ZNF475: variants seen among roughly 807,000 people sequenced by gnomAD.
ZNF475 encodes the protein zinc finger protein 475.
chr5:122,168,248 T>C, the ZNF475 span, among the ~76,000 whole-genome samples: 2 of 152,192 alleles, frequency 1.3e-5, no homozygotes, highest in Non-Finnish European at 2.9e-5. Context: ...TTCATCATGT[T>C]GGCCAGACTG....
At chr5:122,182,556 G>A in the ZNF475 span, 5 of 1,535,152 alleles carry the variant, frequency 3.3e-6, no homozygotes, top group African/African-American at 1.4e-5. Context: ...CAGCCAGTTG[G>A]TTCCCTGTAA....
the ZNF475 span, among the ~76,000 whole-genome samples, chr5:122,161,282 C>T: frequency 6.6e-6 from 1 of 152,206 alleles, no homozygotes; most frequent in Non-Finnish European, 1.5e-5. Context: ...CAAGCACCTG[C>T]TCTGATGCCA....
the ZNF475 span, chr5:122,182,581 C>A: frequency 6.5e-6 from 10 of 1,535,594 alleles, no homozygotes; most frequent in East Asian, 2.4e-5. Context: ...TGTGGGCGTA[C>A]CTTCCTGCCA....
the ZNF475 span, chr5:122,162,179 T>G: frequency 2.6e-5 from 4 of 152,322 alleles, no homozygotes; most frequent in East Asian, 3.9e-4. Flanking sequence ...AAAGATAGTT[T>G]AATAAAAACA....
chr5:122,164,321 A>G, the ZNF475 span, among the ~76,000 whole-genome samples: 1 of 152,170 alleles, frequency 6.6e-6, no homozygotes, highest in South Asian at 2.1e-4. Context: ...AAAGATATTC[A>G]CATTTAAAAC....
the ZNF475 span, among the ~76,000 whole-genome samples, chr5:122,168,042 T>C: frequency 2.0e-5 from 3 of 152,190 alleles, no homozygotes; most frequent in African/African-American, 7.2e-5. Context: ...ATTCGTGTTT[T>C]GTTTTGTTCT....
the ZNF475 span, among the ~76,000 whole-genome samples, chr5:122,177,091 A>G: frequency 6.6e-6 from 1 of 152,178 alleles, no homozygotes; most frequent in Non-Finnish European, 1.5e-5. Context: ...CAAAGCCTAG[A>G]TAGTGTGTTA....
At chr5:122,161,493 C>A in the ZNF475 span, among the ~76,000 whole-genome samples, 3 of 152,296 alleles carry the variant, frequency 2.0e-5, no homozygotes, top group East Asian at 1.9e-4. Flanking sequence ...AGTTAGAATT[C>A]TTTCTGGCCT....
the ZNF475 span, among the ~76,000 whole-genome samples, chr5:122,165,238 CT>C: frequency 6.6e-6 from 1 of 152,228 alleles, no homozygotes; most frequent in Non-Finnish European, 1.5e-5. Flanking sequence ...TGGTTTATCT[CT>C]GCTCACAATG....
At chr5:122,167,626 T>A in the ZNF475 span, among the ~76,000 whole-genome samples, 5 of 152,356 alleles carry the variant, frequency 3.3e-5, no homozygotes, top group East Asian at 9.6e-4. Context: ...CTAAACTGTA[T>A]CTGCACTAGT....
the ZNF475 span, among the ~76,000 whole-genome samples, chr5:122,178,578 G>C: frequency 1.3e-5 from 2 of 152,166 alleles, no homozygotes; most frequent in East Asian, 3.9e-4. Flanking sequence ...TTTTTGATGG[G>C]GTTGCTTGTT....
the ZNF475 span, among the ~76,000 whole-genome samples, chr5:122,174,243 GA>G: frequency 1.3e-5 from 2 of 152,304 alleles, no homozygotes; most frequent in African/African-American, 4.8e-5. Context: ...GGCCCAATAG[GA>G]AAACCTTGGA....
chr5:122,166,114 A>G, the ZNF475 span, among the ~76,000 whole-genome samples: 2 of 152,188 alleles, frequency 1.3e-5, no homozygotes, highest in African/African-American at 4.8e-5. Context: ...GAATGACCCT[A>G]AAGAAAATAA....
chr5:122,167,555 C>T, the ZNF475 span, among the ~76,000 whole-genome samples: 14 of 152,188 alleles, frequency 9.2e-5, no homozygotes, highest in Admixed American at 4.6e-4. Flanking sequence ...TCTTTTACAA[C>T]GTGTACTGCT....
the ZNF475 span, chr5:122,179,986 C>T: frequency 3.7e-6 from 1 of 268,304 alleles, no homozygotes; most frequent in Non-Finnish European, 6.9e-6. Flanking sequence ...CTGTATTCTC[C>T]AAAAGTTTCT....
the ZNF475 span, among the ~76,000 whole-genome samples, chr5:122,176,852 T>C: frequency 6.6e-6 from 1 of 152,208 alleles, no homozygotes; most frequent in African/African-American, 2.4e-5. Context: ...ATTATGATTC[T>C]GTAAGCTATT....
At chr5:122,173,521 A>T in the ZNF475 span, among the ~76,000 whole-genome samples, 1 of 152,234 alleles carries the variant, frequency 6.6e-6, no homozygotes, top group African/African-American at 2.4e-5. Flanking sequence ...AAGTTGTTAA[A>T]TATCCACTTC....
At chr5:122,160,923 A>T in the ZNF475 span, among the ~76,000 whole-genome samples, 1 of 152,174 alleles carries the variant, frequency 6.6e-6, no homozygotes, top group African/African-American at 2.4e-5. Context: ...TCCAAGGTCA[A>T]CAACTACAAT....
the ZNF475 span, chr5:122,180,183 G>A: frequency 6.6e-6 from 1 of 152,524 alleles, no homozygotes; most frequent in Non-Finnish European, 1.5e-5. Context: ...TTTTCACCAG[G>A]TCCACTAGTC....
Sources: gnomAD v4.1 joint callset for allele counts (sites outside exome capture counted in the v4.1 genomes callset) on GRCh38, gnomAD v4.1.1 for gene constraint, MANE v1.5 for transcripts, NCBI Gene and HGNC (gene_info 2026-07-23, HGNC 2026-07-21) for gene names.